EPN1: variants seen among roughly 807,000 people sequenced by gnomAD.
EPN1 encodes epsin 1, also known as epsin-1.
EPN1 carries 25 observed loss-of-function variants against 56.9 expected under a neutral mutation model. The ratio of observed to expected loss-of-function variants is 0.44; its 90% CI spans 0.32 to 0.61. The LOEUF (loss-of-function observed/expected upper bound fraction) is 0.61. Among genes scored for constraint, EPN1 ranks in the 20% least tolerant of loss-of-function variants. The probability of loss-of-function intolerance (pLI) is 0.05; values close to 1 mark genes in which losing one functional copy is unlikely to be tolerated. For missense variants in EPN1, 785 were observed against 823.7 expected (o/e 0.95, Z 0.58); for synonymous variants, 411 against 361.8 (o/e 1.14, Z -1.54).
chr19:55,679,005 C>T lies in EPN1; in HGVS notation c.228+150C>T, dbSNP rs117023759. On this transcript the variant is annotated intron_variant, in intron 2 of 10. Coordinates refer to ENST00000270460, the MANE Select transcript of EPN1 (RefSeq NM_001130072.2). ...CTCTCTTTTTGTTTAATGAAGGCAA[C>T]GAATATAAGGCTAAGAAGTTTGGAG... 1,298 of 627,098 alleles carry T rather than the reference C, an allele frequency of 2.1e-3. 3 individuals are homozygous for T. The highest frequency in any genetic ancestry group is 2.9e-3 in the Non-Finnish European group (1,047 of 356,910). The allele number at this position is 627,098 out of a possible 1,614,324, so 38.8% of individuals were successfully genotyped here. A position where few individuals can be genotyped will look rare whatever the true frequency, so the allele number is the denominator to read the frequency against.
chr19:55,677,568 C>T, intron 1 of EPN1: 1 of 1,536,798 alleles, frequency 6.5e-7, no homozygotes. Context: ...TCTTTGCATG[C>T]AGTGTTGAAA....
In EPN1 at chr19:55,708,771, A is replaced by T. The variant is rs1987555334; in HGVS notation, c.*13415A>T. ...ACACTGAATCACACTCCATAATCAT[A>T]TTGCTAGAACACTTAGGGAGTACCT... On this transcript the variant is annotated 3_prime_UTR_variant, in exon 11 of 11. Coordinates refer to ENST00000270460, the MANE Select transcript of EPN1 (RefSeq NM_001130072.2). 1 of 571,966 alleles carries T rather than the reference A, an allele frequency of 1.7e-6. No individual in the cohort carries two copies. The highest frequency in any genetic ancestry group is 3.1e-5 in the East Asian group (1 of 32,664). 35.4% of individuals were successfully genotyped at this position (571,966 alleles called of 1,614,324 possible). A position where few individuals can be genotyped will look rare whatever the true frequency, so the allele number is the denominator to read the frequency against.
At chr19:55,687,214 T>G (rs773277126) in intron 3 of EPN1, among the ~76,000 whole-genome samples, 1 of 152,206 alleles carries the variant, frequency 6.6e-6, no homozygotes, top group Admixed American at 6.5e-5. Flanking sequence ...TTCTTAGACC[T>G]TCTCAGGCCA....
intron 2 of EPN1, among the ~76,000 whole-genome samples, chr19:55,682,502 T>A (rs1353291640): frequency 1.3e-5 from 2 of 152,078 alleles, no homozygotes; most frequent in Admixed American, 1.3e-4. Flanking sequence ...CACTGTAGCC[T>A]CTGCCTCCCG....
chr19:55,679,622 C>G (rs922133707), intron 2 of EPN1, among the ~76,000 whole-genome samples: 10 of 152,294 alleles, frequency 6.6e-5, no homozygotes, highest in Middle Eastern at 3.4e-3. Flanking sequence ...CCTGCTCTGG[C>G]GGAGGTCCCT....
intron 3 of EPN1, among the ~76,000 whole-genome samples, chr19:55,686,299 G>T (rs1412959242): frequency 6.6e-6 from 1 of 152,198 alleles, no homozygotes; most frequent in Non-Finnish European, 1.5e-5. Context: ...GTCTGTGTTG[G>T]TCGGGGGCTC....
At chr19:55,677,609 A>G in intron 1 of EPN1, 8 of 1,551,442 alleles carry the variant, frequency 5.2e-6, no homozygotes, top group Non-Finnish European at 7.0e-6. Flanking sequence ...CTGAGCGAGC[A>G]CCTGGCACAC....
rs566778626 is a variant in EPN1, at chr19:55,692,970, G to A, written c.1197G>A (p.Thr399=). ...CCACAGCAGCCGGGGGATTCGACAC[G>A]GAGCCCGACGAGTTCTCTGACTTTG... ...NGTTAAGGFD[T]EPDEFSDFDR... The change falls in exon 9 of 11, where the codon ACG becomes ACA. Residue 399 remains threonine (T), a synonymous_variant. Coordinates refer to ENST00000270460, the MANE Select transcript of EPN1 (RefSeq NM_001130072.2). 168 of 1,613,446 alleles carry A rather than the reference G, an allele frequency of 1.0e-4. No homozygotes were observed. Among genetic ancestry groups the A allele is most frequent in the South Asian group, 6.5e-4 (59 of 91,074 alleles).
rs1987448249 is a variant in EPN1, at chr19:55,706,859, T to G, written c.*11503T>G. On this transcript the variant is annotated 3_prime_UTR_variant, in exon 11 of 11. Transcript: ENST00000270460. ...TACCAGACCAGCCTGGGAAACATAG[T>G]GAGACCCCGTCTATACTAAAAAATA... 2 of 151,608 alleles carry G rather than the reference T, an allele frequency of 1.3e-5. No homozygotes were observed. The allele number at this position is 151,608 out of a possible 1,614,324, so 9.4% of individuals were successfully genotyped here.
rs1314547830 is a variant in EPN1 at position 55,691,090 on chromosome 19, G to C, written c.763-664G>C. ...CACGTTCTGAGACGGGCTCTGGTTA[G>C]CTGGGCCCGTCGTGTGCCCACTTCC... On this transcript the variant is annotated intron_variant, in intron 6 of 10. Transcript: ENST00000270460. This position sits in a 1 kb window ranked among gnomAD's most constrained non-coding sequence, Gnocchi z 5.6. 1.3e-5 allele frequency among the ~76,000 whole-genome samples: 2 copies of C among 152,192 alleles called. No individual in the cohort carries two copies. The highest frequency in any genetic ancestry group is 4.8e-5 in the African/African-American group (2 of 41,438).
At position 55,689,839 on chromosome 19, in the gene EPN1, C is replaced by T. The variant is rs1200969531; in HGVS notation, c.679-28C>T. On this transcript the variant is annotated intron_variant, in intron 5 of 10. Coordinates refer to ENST00000270460, the MANE Select transcript of EPN1 (RefSeq NM_001130072.2). The surrounding 1 kb of genome is among the most constrained non-coding windows in gnomAD (Gnocchi z 5.7). ...CTGCCCGTGGCTCACGTTCTCATGT[C>T]TCCCTGGTCGTGCCCGTGCCCCAAC... is the stretch of plus-strand genomic sequence containing the variant. 7.6e-6 allele frequency: 12 copies of T among 1,578,494 alleles called. No individual in the cohort carries two copies. The highest frequency in any genetic ancestry group is 2.7e-5 in the African/African-American group (2 of 74,228).
At position 55,692,776 on chromosome 19, in the gene EPN1, C is replaced by T; in HGVS notation, c.1157C>T (p.Pro386Leu). Residue 386 changes from proline (P) to leucine (L), a missense_variant, in exon 8 of 11, where the codon CCC becomes CTC. By Grantham distance (98) the Pro-to-Leu change is moderately conservative. Around this residue, in one of 2 missense-constraint regions of EPN1, gnomAD observed 650 missense variants for 605.0 expected, o/e 1.07. Coordinates refer to ENST00000270460, the MANE Select transcript of EPN1 (RefSeq NM_001130072.2). ...CCCTGGGGAGGGTCACCTGCCAAGC[C>T]CAGCACCAATGGCACAACAGGTACT... ...SDPWGGSPAK[P>L]STNGTTAAGG... is the part of the protein sequence containing the mutation. 4 of 1,595,954 alleles carry T rather than the reference C, an allele frequency of 2.5e-6. No homozygotes were observed. Among genetic ancestry groups the T allele is most frequent in the Non-Finnish European group, 3.4e-6 (4 of 1,171,192 alleles).
rs1022019647 is a variant in EPN1 at position 55,709,321 on chromosome 19, T to C, written c.*13965T>C. ...TTAAAAAGAAAAACACAGGATAACT[T>C]CCATTCATCTGATGTTCATATGCCC... On this transcript the variant is annotated 3_prime_UTR_variant, in exon 11 of 11. Transcript: ENST00000270460. The C allele has an allele frequency of 5.8e-5, 12 of 206,886 alleles. No individual in the cohort carries two copies. Among genetic ancestry groups the C allele is most frequent in the African/African-American group, 2.5e-4 (11 of 43,168 alleles). 12.8% of individuals were successfully genotyped at this position (206,886 alleles called of 1,614,324 possible).
rs1986020277 is a variant in EPN1, at chr19:55,684,276, C to T, written c.229-1120C>T. On this transcript the variant is annotated intron_variant, in intron 2 of 10. Coordinates refer to ENST00000270460, the MANE Select transcript of EPN1 (RefSeq NM_001130072.2). ...CTTAGCTGTGATAGCTGACTCTTCC[C>T]CTAGGAGCCCTGGGTGGGTTTCTGT... 1.3e-5 allele frequency among the ~76,000 whole-genome samples: 2 copies of T among 152,128 alleles called. 1 individual carries two copies. Among genetic ancestry groups the T allele is most frequent in the Admixed American group, 1.3e-4 (2 of 15,268 alleles).
chr19:55,685,821 T>C (rs1986134772), intron 3 of EPN1, among the ~76,000 whole-genome samples, 176 bp downstream of exon 3: 1 of 152,192 alleles, frequency 6.6e-6, no homozygotes, highest in African/African-American at 2.4e-5. Context: ...TTTTTTCCCT[T>C]AGCACCTCCC....
chr19:55,689,854 C>T lies in EPN1; in HGVS notation c.679-13C>T, dbSNP rs749485844. ...GTTCTCATGTCTCCCTGGTCGTGCC[C>T]GTGCCCCAACAGGAGGAGCGGATCC... On this transcript the variant is annotated splice_polypyrimidine_tract_variant and intron_variant, in intron 5 of 10. Coordinates refer to ENST00000270460, the MANE Select transcript of EPN1 (RefSeq NM_001130072.2). This position sits in a 1 kb window ranked among gnomAD's most constrained non-coding sequence, Gnocchi z 5.7. The T allele has an allele frequency of 5.7e-5, 90 of 1,592,880 alleles. No individual in the cohort carries two copies. The Admixed American group carries it at 9.1e-4, about 16-fold the overall frequency.
chr19:55,684,059 T>A (rs1310759155), intron 2 of EPN1, among the ~76,000 whole-genome samples: 2 of 152,216 alleles, frequency 1.3e-5, no homozygotes, highest in Non-Finnish European at 2.9e-5. Flanking sequence ...TAGCAATGGC[T>A]TACCTGCTTT....
Position 55,689,014 on chromosome 19 carries a change from G to A in EPN1, c.603+20G>A. Reference sequence around the variant, plus strand: ...GACCAGGTACTGGGCGTGCAGCTGGGGCTGTCTGTCCGCCACCCGCCTCCA... The same window carrying A: ...GACCAGGTACTGGGCGTGCAGCTGGAGCTGTCTGTCCGCCACCCGCCTCCA... On this transcript the variant is annotated intron_variant, in intron 4 of 10. Coordinates refer to ENST00000270460, the MANE Select transcript of EPN1 (RefSeq NM_001130072.2). The surrounding 1 kb of genome is among the most constrained non-coding windows in gnomAD (Gnocchi z 5.7). 1 of 1,578,032 alleles carries A rather than the reference G, an allele frequency of 6.3e-7. No individual in the cohort carries two copies.
Position 55,689,081 on chromosome 19 carries a change from C to T in EPN1, c.603+87C>T, listed in dbSNP as rs1418668815. On this transcript the variant is annotated intron_variant, in intron 4 of 10. Transcript: ENST00000270460. The surrounding 1 kb of genome is among the most constrained non-coding windows in gnomAD (Gnocchi z 5.7). ...CCCTCCCAGCCAGGCGTGGGCCTGG[C>T]CCTCACTGTCGCTGCTCCACATGCT... 14 of 1,462,040 alleles carry T rather than the reference C, an allele frequency of 9.6e-6. No homozygotes were observed. The highest frequency in any genetic ancestry group is 1.3e-5 in the Non-Finnish European group (14 of 1,103,394). The allele number at this position is 1,462,040 out of a possible 1,614,324, so 90.6% of individuals were successfully genotyped here.
Sources: allele counts gnomAD v4.1 joint callset (sites outside exome capture counted in the v4.1 genomes callset), GRCh38; gene constraint gnomAD v4.1.1; regional missense constraint gnomAD v4.1.1; non-coding constraint Gnocchi (gnomAD v3.1); transcripts MANE v1.5; gene names NCBI Gene and HGNC (gene_info 2026-07-23, HGNC 2026-07-21).